IGSF10: variants seen among roughly 807,000 people sequenced by gnomAD.
IGSF10 encodes immunoglobulin superfamily member 10, also known as calvaria mechanical force protein 608.
Under a neutral mutation model 128.2 loss-of-function variants are expected in IGSF10, and 126 were observed. The ratio of observed to expected loss-of-function variants is 0.98; its 90% confidence interval spans 0.85 to 1.14. The LOEUF (loss-of-function observed/expected upper bound fraction) is 1.14, where lower values mean the gene tolerates loss of function less well. Among genes scored for constraint, IGSF10 ranks in the 50% most tolerant of loss-of-function variants. The probability of loss-of-function intolerance (pLI) is 0.00; values close to 1 mark genes in which losing one functional copy is unlikely to be tolerated. For missense variants in IGSF10, 3,295 were observed against 3,149.8 expected (o/e 1.05, Z -1.10); for synonymous variants, 1,185 against 1,146.2 (o/e 1.03, Z -0.68).
chr3:151,445,445 AT>A lies in IGSF10; in HGVS notation c.4535del (p.Asn1512MetfsTer7). ...VVKLHESSRH[N>X]AKPQQLVAEV... ...CTGCTACTAATTGCTGTGGTTTAGC[AT>A]TGTGCCTTGAGGATTCGTGCAGCTT... On this transcript the variant is annotated frameshift_variant, in exon 6 of 8. Transcript: ENST00000282466. LOFTEE classifies it high-confidence loss of function. 2.5e-6 allele frequency: 4 copies of A among 1,614,196 alleles called. No individual in the cohort carries two copies. Among genetic ancestry groups the A allele is most frequent in the Non-Finnish European group, 2.5e-6 (3 of 1,180,032 alleles).
At chr3:151,464,928 A>G (rs183291343), upstream of IGSF10, among the ~76,000 whole-genome samples, 22 of 152,360 alleles carry the variant, frequency 1.4e-4, no homozygotes, top group African/African-American at 5.0e-4. Context: ...AAGACTTTAT[A>G]TATAGTATTC....
upstream of IGSF10, among the ~76,000 whole-genome samples, chr3:151,463,463 T>C (rs1158483895): frequency 2.1e-5 from 3 of 144,188 alleles, no homozygotes; most frequent in African/African-American, 7.6e-5. Context: ...AGAGCCAAAA[T>C]ACAATACTGA....
chr3:151,444,606 C>T (rs925382894), intron 6 of IGSF10, among the ~76,000 whole-genome samples: 1 of 152,170 alleles, frequency 6.6e-6, no homozygotes, highest in African/African-American at 2.4e-5. Flanking sequence ...CCACTGTGCT[C>T]AGCCTGGATT....
downstream of IGSF10, chr3:151,433,241 G>A (rs776668724): frequency 3.2e-4 from 50 of 154,104 alleles, 1 homozygote; most frequent in Non-Finnish European, 1.4e-4. Context: ...TGAAAGGCAT[G>A]TCAGATCTTG....
the IGSF10 span, among the ~76,000 whole-genome samples, chr3:151,504,412 G>A: frequency 2.0e-5 from 3 of 152,176 alleles, no homozygotes; most frequent in Non-Finnish European, 2.9e-5. Context: ...GGTAATACCT[G>A]AAGAGATAAT....
Position 151,437,980 on chromosome 3 carries a change from G to T in IGSF10, c.6581C>A (p.Ala2194Asp). 3.7e-6 allele frequency: 6 copies of T among 1,614,142 alleles called. No homozygotes were observed. The highest frequency in any genetic ancestry group is 5.1e-6 in the Non-Finnish European group (6 of 1,180,006). Residue 2194 changes from alanine (A) to aspartate (D), a missense_variant, in exon 8 of 8, where the codon GCC becomes GAC. Coordinates refer to ENST00000282466, the MANE Select transcript of IGSF10 (RefSeq NM_178822.5). ...SFSIDRYTFHANGSLTINKVK... is the reference protein window; with the variant it reads ...SFSIDRYTFHDNGSLTINKVK... ...TTTGTTGATGGTCAAAGACCCATTG[G>T]CATGAAATGTGTACCTATCAATGGA...
chr3:151,506,511 A>T, the IGSF10 span, among the ~76,000 whole-genome samples: 2 of 152,216 alleles, frequency 1.3e-5, no homozygotes, highest in South Asian at 4.1e-4. Flanking sequence ...GCCTATGTAT[A>T]ATAAAAACTC....
At chr3:151,592,646 C>A in the IGSF10 span, among the ~76,000 whole-genome samples, 1 of 152,176 alleles carries the variant, frequency 6.6e-6, no homozygotes, top group Non-Finnish European at 1.5e-5. Flanking sequence ...ACTGCAAATA[C>A]AACCCTGAGA....
chr3:151,527,945 C>G, the IGSF10 span, among the ~76,000 whole-genome samples: 5 of 130,720 alleles, frequency 3.8e-5, no homozygotes, highest in African/African-American at 1.5e-4. Flanking sequence ...AGAGCAAGAT[C>G]CTGTCTTGAA....
the IGSF10 span, among the ~76,000 whole-genome samples, chr3:151,526,615 A>G: frequency 1.3e-5 from 2 of 152,022 alleles, no homozygotes; most frequent in African/African-American, 4.8e-5. Context: ...TCTTCTGCAT[A>G]AGTTATTTAG....
chr3:151,461,256 G>T (rs1722050894), upstream of IGSF10: 1 of 985,256 alleles, frequency 1.0e-6, no homozygotes, highest in Admixed American at 6.2e-5. Context: ...TCCTGGCTGG[G>T]TGGCAGAGCA....
the IGSF10 span, among the ~76,000 whole-genome samples, chr3:151,484,471 A>G: frequency 6.6e-6 from 1 of 152,152 alleles, no homozygotes; most frequent in Non-Finnish European, 1.5e-5. Flanking sequence ...CTGCCTCCTC[A>G]AGTGGGTCCC....
the IGSF10 span, among the ~76,000 whole-genome samples, chr3:151,485,583 T>A: frequency 6.6e-6 from 1 of 152,172 alleles, no homozygotes; most frequent in Non-Finnish European, 1.5e-5. Flanking sequence ...GGGAAGCCCA[T>A]CAGACTAACA....
the IGSF10 span, among the ~76,000 whole-genome samples, chr3:151,516,736 C>T: frequency 3.3e-5 from 5 of 152,052 alleles, no homozygotes; most frequent in Admixed American, 1.3e-4. Context: ...GGAACATTTG[C>T]TCAATTAAAC....
the IGSF10 span, among the ~76,000 whole-genome samples, chr3:151,489,859 ATACT>A: frequency 6.6e-6 from 1 of 152,112 alleles, no homozygotes; most frequent in Non-Finnish European, 1.5e-5. Context: ...ATTAGGAGAA[ATACT>A]TAATGTAGAT....
chr3:151,463,551 T>G (rs1458747279), upstream of IGSF10, among the ~76,000 whole-genome samples: 4 of 111,394 alleles, frequency 3.6e-5, no homozygotes, highest in African/African-American at 1.1e-4. Context: ...TTTTTTTTTT[T>G]TTTTTTTTTT....
the IGSF10 span, among the ~76,000 whole-genome samples, chr3:151,497,268 G>A: frequency 1.8e-4 from 27 of 152,076 alleles, no homozygotes; most frequent in Admixed American, 5.2e-4. Context: ...TGTCCTGAAT[G>A]GTATTGCCTA....
chr3:151,453,273 G>T, intron 5 of IGSF10, 111 bp downstream of exon 5: 1 of 839,846 alleles, frequency 1.2e-6, no homozygotes, highest in Non-Finnish European at 1.8e-6. Flanking sequence ...AATTATTTCT[G>T]AGATGTTATT....
chr3:151,617,282 TC>T, the IGSF10 span, among the ~76,000 whole-genome samples: 6 of 118,262 alleles, frequency 5.1e-5, no homozygotes, highest in Non-Finnish European at 8.6e-5. Context: ...TTCTTCTTCT[TC>T]TTCTTCTTCT....
Sources: allele counts gnomAD v4.1 joint callset (sites outside exome capture counted in the v4.1 genomes callset), GRCh38; gene constraint gnomAD v4.1.1; transcripts MANE v1.5; gene names NCBI Gene and HGNC (gene_info 2026-07-23, HGNC 2026-07-21).